The following VPS41 variants were observed in gnomAD, a reference collection of about 807,000 sequenced individuals.
The protein encoded by VPS41 is VPS41 subunit of HOPS complex.
Under a neutral mutation model 130.9 loss-of-function variants are expected in VPS41, and 85 were observed. That is an observed-to-expected ratio of 0.65 (90% confidence interval 0.55 to 0.78). The LOEUF is 0.78. VPS41 is among the 30% of genes least tolerant of loss of function. The probability of loss-of-function intolerance (pLI) is 0.00; values close to 1 mark genes in which losing one functional copy is unlikely to be tolerated. For missense variants in VPS41, 874 were observed against 1,018.7 expected, an observed-to-expected ratio of 0.86 and a Z score of 1.93; for synonymous variants, 335 against 332.9, an observed-to-expected ratio of 1.01 and a Z score of -0.07.
intron 4 of VPS41, among the ~76,000 whole-genome samples, chr7:38,830,828 A>C (rs1412446455): frequency 6.6e-6 from 1 of 152,208 alleles, no homozygotes; most frequent in Non-Finnish European, 1.5e-5. Flanking sequence ...CTAGCTCCTT[A>C]AAGTTCCTAG....
At position 38,772,778 on chromosome 7, in the gene VPS41, G is replaced by A. The variant is rs555847455; in HGVS notation, c.1013-141C>T. The A allele has an allele frequency of 1.7e-5, 9 of 544,128 alleles. No individual in the cohort carries two copies. In the East Asian group the frequency reaches 2.5e-4, roughly 15 times the overall value. 33.7% of individuals were successfully genotyped at this position (544,128 alleles called of 1,614,324 possible). Reference sequence around the variant, plus strand: ...TCTTTGTTGTGTGTTTGGCTCTGCTGGAAGGTAAGTGTGGGAGACAGGGTA... The same window carrying A: ...TCTTTGTTGTGTGTTTGGCTCTGCTAGAAGGTAAGTGTGGGAGACAGGGTA... On this transcript the variant is annotated intron_variant, in intron 12 of 28. Transcript: ENST00000310301.
chr7:38,902,249 T>A (rs1360252506), intron 1 of VPS41, among the ~76,000 whole-genome samples: 1 of 152,104 alleles, frequency 6.6e-6, no homozygotes, highest in African/African-American at 2.4e-5. Flanking sequence ...GCCTGAAGAA[T>A]AGCTTTCAGA....
Position 38,898,143 on chromosome 7 carries a change from A to G in VPS41, c.22-14T>C. Reference sequence around the variant, plus strand: ...GGACCCAGTTTCCTATAAAGCATAGAAAAAGAAAATGGTCAGAAGAGATGA... The same window carrying G: ...GGACCCAGTTTCCTATAAAGCATAGGAAAAGAAAATGGTCAGAAGAGATGA... On this transcript the variant is annotated splice_polypyrimidine_tract_variant and intron_variant, in intron 1 of 28. Coordinates refer to ENST00000310301, the MANE Select transcript of VPS41 (RefSeq NM_014396.4). 1 of 1,610,898 alleles carries G rather than the reference A, an allele frequency of 6.2e-7. No individual in the cohort carries two copies. Among genetic ancestry groups the G allele is most frequent in the Non-Finnish European group, 8.5e-7 (1 of 1,177,216 alleles).
At chr7:38,778,456 T>C (rs1784299430) in intron 10 of VPS41, among the ~76,000 whole-genome samples, 1 of 152,132 alleles carries the variant, frequency 6.6e-6, no homozygotes, top group South Asian at 2.1e-4. Context: ...CAGATGATAT[T>C]AAACAGTATG....
chr7:38,838,562 G>A (rs892376389), intron 4 of VPS41, among the ~76,000 whole-genome samples: 31 of 152,108 alleles, frequency 2.0e-4, no homozygotes, highest in African/African-American at 7.2e-4. Context: ...AAGTGAGTTT[G>A]TTCAAAAATC....
Position 38,741,697 on chromosome 7 carries a change from T to C in VPS41, c.2259+288A>G, listed in dbSNP as rs146445531. Among the ~76,000 whole-genome samples the C allele has an allele frequency of 1.6e-4, 24 of 152,342 alleles. No individual in the cohort carries two copies. The East Asian group carries it at 4.4e-3, about 28-fold the overall frequency. On this transcript the variant is annotated intron_variant, in intron 25 of 28. Transcript: ENST00000310301. ...TACTCGCCTCGATTCCATGTTATAT[T>C]AACCATACAAATGTAAGAATGTCTG...
intron 2 of VPS41, among the ~76,000 whole-genome samples, chr7:38,893,616 G>A (rs1347213759): frequency 3.3e-5 from 5 of 152,172 alleles, no homozygotes; most frequent in Non-Finnish European, 5.9e-5. Context: ...AAACATCCAC[G>A]CTGGAAGGAC....
chr7:38,746,256 TAAAA>T (rs11359151), intron 22 of VPS41, among the ~76,000 whole-genome samples: 2 of 146,028 alleles, frequency 1.4e-5, no homozygotes, highest in African/African-American at 2.5e-5. Context: ...CCATTAGTCT[TAAAA>T]AAAAAAAAAA....
intron 1 of VPS41, among the ~76,000 whole-genome samples, chr7:38,905,341 G>A (rs1179890483): frequency 2.0e-5 from 3 of 152,136 alleles, no homozygotes; most frequent in African/African-American, 7.2e-5. Context: ...ACTATAAATC[G>A]TTTTGGAGCT....
intron 21 of VPS41, among the ~76,000 whole-genome samples, chr7:38,754,277 A>G (rs1783744027): frequency 6.6e-6 from 1 of 152,230 alleles, no homozygotes; most frequent in South Asian, 2.1e-4. Context: ...TTGGTACAGT[A>G]TCTGCGGTGC....
At chr7:38,779,566 C>G (rs1451422088) in intron 10 of VPS41, among the ~76,000 whole-genome samples, 1 of 152,220 alleles carries the variant, frequency 6.6e-6, no homozygotes, top group African/African-American at 2.4e-5. Context: ...AGGGAAATGT[C>G]TGCAGCCATT....
At chr7:38,893,696 G>A (rs1786914731) in intron 2 of VPS41, among the ~76,000 whole-genome samples, 1 of 152,114 alleles carries the variant, frequency 6.6e-6, no homozygotes. Context: ...TAACTATGTA[G>A]CCTATTAAAT....
At chr7:38,729,079 G>C (rs971565344) in intron 25 of VPS41, among the ~76,000 whole-genome samples, 16 of 152,158 alleles carry the variant, frequency 1.1e-4, no homozygotes, top group Admixed American at 6.5e-4. Context: ...GTCTGGCAAA[G>C]AAGGCCCTAT....
chr7:38,806,544 ATTCCT>A (rs940359681), intron 7 of VPS41, among the ~76,000 whole-genome samples: 6 of 152,360 alleles, frequency 3.9e-5, no homozygotes, highest in South Asian at 2.1e-4. Context: ...TACTCTAAAC[ATTCCT>A]TTACTTTTTA....
At chr7:38,868,940 T>C (rs188742482) in intron 3 of VPS41, among the ~76,000 whole-genome samples, 20 of 152,290 alleles carry the variant, frequency 1.3e-4, no homozygotes, top group Admixed American at 7.8e-4. Context: ...CTTAATACAG[T>C]CTTGGAGTGT....
intron 18 of VPS41, among the ~76,000 whole-genome samples, chr7:38,757,402 G>T (rs116760171): frequency 0.012 from 1,860 of 152,208 alleles, 54 homozygotes; most frequent in African/African-American, 0.042. Context: ...TTTTAAGGGG[G>T]CTGTGTCTAA....
chr7:38,877,303 A>T (rs1786512716), intron 2 of VPS41, among the ~76,000 whole-genome samples: 1 of 152,164 alleles, frequency 6.6e-6, no homozygotes, highest in African/African-American at 2.4e-5. Context: ...GATCATCTAA[A>T]CTATGTGTTA....
chr7:38,893,997 T>C (rs1290308556), intron 2 of VPS41, among the ~76,000 whole-genome samples: 1 of 152,126 alleles, frequency 6.6e-6, no homozygotes, highest in Non-Finnish European at 1.5e-5. Context: ...TTACATGAAA[T>C]GCAACATTTC....
At chr7:38,846,706 G>A (rs1294097250) in intron 4 of VPS41, among the ~76,000 whole-genome samples, 1 of 152,178 alleles carries the variant, frequency 6.6e-6, no homozygotes, top group East Asian at 1.9e-4. Flanking sequence ...AAGGCAGGGA[G>A]ATCAGTTGGG....
Sources: gnomAD v4.1 joint callset for allele counts (sites outside exome capture counted in the v4.1 genomes callset) on GRCh38, gnomAD v4.1.1 for gene constraint, MANE v1.5 for transcripts, NCBI Gene and HGNC (gene_info 2026-07-23, HGNC 2026-07-21) for gene names.